The following EFNA3 variants were observed in gnomAD, a reference collection of about 807,000 sequenced individuals.
The protein encoded by EFNA3 is ephrin-A3.
A neutral mutation model predicts 25.0 loss-of-function variants in EFNA3; 15 were observed. The observed-to-expected ratio is 0.60, with a 90% CI of 0.40 to 0.92. The LOEUF (loss-of-function observed/expected upper bound fraction) is 0.92, where lower values mean the gene tolerates loss of function less well. Ranked by LOEUF, EFNA3 falls within the 40% of genes least tolerant of loss-of-function variation. EFNA3 has a pLI of 0.00. For missense variants in EFNA3, 298 were observed against 323.8 expected (o/e 0.92, Z 0.61); for synonymous variants, 153 against 145.6 (o/e 1.05, Z -0.37).
Position 155,085,424 on chromosome 1 carries a change from C to T in EFNA3, c.442+20C>T, listed in dbSNP as rs765277623. ...ACATCTGTGAGTGACGGCGGCCGGG[C>T]GGGCGGGTCTGAACGCGAGAGTCTG... is the stretch of plus-strand genomic sequence containing the variant. On this transcript the variant is annotated intron_variant, in intron 2 of 4. Coordinates refer to ENST00000368408, the MANE Select transcript of EFNA3 (RefSeq NM_004952.5). The surrounding 1 kb of genome is among the most constrained non-coding windows in gnomAD (Gnocchi z 4.4). 16 of 1,542,920 alleles carry T rather than the reference C, an allele frequency of 1.0e-5. No individual in the cohort carries two copies. The highest frequency in any genetic ancestry group is 5.7e-5 in the Admixed American group (3 of 52,908).
rs894802684 is a variant in EFNA3, at chr1:155,078,867, A to G, written c.-75A>G. The G allele has an allele frequency of 8.3e-5, 108 of 1,305,732 alleles. No individual in the cohort carries two copies. The highest frequency in any genetic ancestry group is 1.0e-4 in the Non-Finnish European group (106 of 1,027,936). The allele number at this position is 1,305,732 out of a possible 1,614,324, so 80.9% of individuals were successfully genotyped here. ...AAGGCTGGGGGCCGACGGCGGCGGC[A>G]GCAGGGAGCTGGGAAGCGGAGAAGC... On this transcript the variant is annotated 5_prime_UTR_variant, in exon 1 of 5. Coordinates refer to ENST00000368408, the MANE Select transcript of EFNA3 (RefSeq NM_004952.5).
chr1:155,085,020 C>CGGCGCG lies in EFNA3; in HGVS notation c.129-69_129-68insCGCGGG. 1.3e-6 allele frequency: 2 copies of CGGCGCG among 1,540,492 alleles called. No individual in the cohort carries two copies. Among genetic ancestry groups the CGGCGCG allele is most frequent in the Non-Finnish European group, 1.8e-6 (2 of 1,127,788 alleles). ...CTACGCGGACCCTGGGGAGGGGCTG[C>CGGCGCG]GGAGCGGTCAGATGGAAAGCGGCTT... On this transcript the variant is annotated intron_variant, in intron 1 of 4. Coordinates refer to ENST00000368408, the MANE Select transcript of EFNA3 (RefSeq NM_004952.5). The surrounding 1 kb of genome is among the most constrained non-coding windows in gnomAD (Gnocchi z 4.4).
At position 155,080,469 on chromosome 1, in the gene EFNA3, C is replaced by A. The variant is rs1663320732; in HGVS notation, c.128+1400C>A. On this transcript the variant is annotated intron_variant, in intron 1 of 4. Coordinates refer to ENST00000368408, the MANE Select transcript of EFNA3 (RefSeq NM_004952.5). The surrounding 1 kb of genome is among the most constrained non-coding windows in gnomAD (Gnocchi z 7.0). ...CCCCCGGAGCGGGACTCCAAGAACT[C>A]CGGGGGGCGCTGGGGGCTGACTTTC... Among the ~76,000 whole-genome samples, 1 of 152,080 alleles carries A rather than the reference C, an allele frequency of 6.6e-6. No individual in the cohort carries two copies. Among genetic ancestry groups the A allele is most frequent in the Non-Finnish European group, 1.5e-5 (1 of 67,982 alleles).
At position 155,086,482 on chromosome 1, in the gene EFNA3, G is replaced by A. The variant is rs1663464732; in HGVS notation, c.656G>A (p.Arg219Gln). 3 of 1,613,964 alleles carry A rather than the reference G, an allele frequency of 1.9e-6. No individual in the cohort carries two copies. Among genetic ancestry groups the A allele is most frequent in the African/African-American group, 1.3e-5 (1 of 74,912 alleles). ...EKSISGTSPK[R>Q]EHLPLAVGIA... ...AGCATCAGCGGGACCAGCCCCAAAC[G>A]GGAACACCTGCCCCTGGCCGTGGGC... is the stretch of plus-strand genomic sequence containing the variant. Residue 219 changes from arginine (R) to glutamine (Q), a missense_variant, in exon 5 of 5, where the codon CGG becomes CAG. Physicochemically the swap from Arg to Gln is conservative, Grantham distance 43. Coordinates refer to ENST00000368408, the MANE Select transcript of EFNA3 (RefSeq NM_004952.5).
In EFNA3 at chr1:155,085,423, G is replaced by C. The variant is rs761670552; in HGVS notation, c.442+19G>C. ...TACATCTGTGAGTGACGGCGGCCGG[G>C]CGGGCGGGTCTGAACGCGAGAGTCT... is the stretch of plus-strand genomic sequence containing the variant. On this transcript the variant is annotated intron_variant, in intron 2 of 4. Transcript: ENST00000368408. The surrounding 1 kb of genome is among the most constrained non-coding windows in gnomAD (Gnocchi z 4.4). 16 of 1,546,392 alleles carry C rather than the reference G, an allele frequency of 1.0e-5. No individual in the cohort carries two copies. The highest frequency in any genetic ancestry group is 5.6e-5 in the Admixed American group (3 of 53,444).
chr1:155,086,631 G>A lies in EFNA3; in HGVS notation c.*88G>A, dbSNP rs1663470942. The stretch of plus-strand genomic sequence containing the variant: ...GGCCTCTCCAAGGGAAGCCTAGTGG[G>A]CCTAGACCCCTCCTCCCATGGCTAG... On this transcript the variant is annotated 3_prime_UTR_variant, in exon 5 of 5. Coordinates refer to ENST00000368408, the MANE Select transcript of EFNA3 (RefSeq NM_004952.5). The A allele has an allele frequency of 3.3e-6, 5 of 1,516,444 alleles. No homozygotes were observed. Among genetic ancestry groups the A allele is most frequent in the Non-Finnish European group, 4.4e-6 (5 of 1,125,194 alleles). The allele number at this position is 1,516,444 out of a possible 1,614,324, so 93.9% of individuals were successfully genotyped here.
chr1:155,085,037 A>T lies in EFNA3; in HGVS notation c.129-54A>T, dbSNP rs1481091899. 2.7e-5 allele frequency: 43 copies of T among 1,584,906 alleles called. No individual in the cohort carries two copies. The highest frequency in any genetic ancestry group is 3.6e-5 in the Non-Finnish European group (42 of 1,164,436). ...AGGGGCTGCGGAGCGGTCAGATGGAAAGCGGCTTTGCTCTGGGGTTTCTTC... is the reference window on the plus strand; with the variant it reads ...AGGGGCTGCGGAGCGGTCAGATGGATAGCGGCTTTGCTCTGGGGTTTCTTC... On this transcript the variant is annotated intron_variant, in intron 1 of 4. Coordinates refer to ENST00000368408, the MANE Select transcript of EFNA3 (RefSeq NM_004952.5). This position sits in a 1 kb window ranked among gnomAD's most constrained non-coding sequence, Gnocchi z 4.4.
Position 155,086,259 on chromosome 1 carries a change from C to T in EFNA3, c.586+54C>T, listed in dbSNP as rs1663459321. ...CACTGCTGGAACCGCAGCCCCCCGC[C>T]CCGGTGCCTGCTCACCTCGCATGCC... On this transcript the variant is annotated intron_variant, in intron 4 of 4. Transcript: ENST00000368408. 13 of 1,598,556 alleles carry T rather than the reference C, an allele frequency of 8.1e-6. No homozygotes were observed. In the South Asian group the frequency reaches 1.4e-4, roughly 18 times the overall value.
At position 155,085,994 on chromosome 1, in the gene EFNA3, G is replaced by A. The variant is rs749228109; in HGVS notation, c.508+52G>A. The stretch of plus-strand genomic sequence containing the variant: ...CCCCCATCCTCAGCTCCCTGCTTTG[G>A]GGCTCCCCTGGCTTCCTGGGGGTGG... On this transcript the variant is annotated intron_variant, in intron 3 of 4. Coordinates refer to ENST00000368408, the MANE Select transcript of EFNA3 (RefSeq NM_004952.5). This position sits in a 1 kb window ranked among gnomAD's most constrained non-coding sequence, Gnocchi z 4.4. 4 of 1,581,452 alleles carry A rather than the reference G, an allele frequency of 2.5e-6. No homozygotes were observed. Among genetic ancestry groups the A allele is most frequent in the South Asian group, 2.3e-5 (2 of 87,168 alleles).
chr1:155,086,460 A>G lies in EFNA3; in HGVS notation c.634A>G (p.Ile212Val), dbSNP rs778784654. 1.9e-6 allele frequency: 3 copies of G among 1,614,074 alleles called. No individual in the cohort carries two copies. The highest frequency in any genetic ancestry group is 2.2e-5 in the South Asian group (2 of 91,088). Residue 212 changes from isoleucine to valine, a missense_variant, in exon 5 of 5, where the codon ATC becomes GTC. Ile to Val is a conservative substitution (Grantham distance 29). Transcript: ENST00000368408. ...NPQVPKLEKS[I>V]SGTSPKREHL... ...TCAGGTGCCCAAGCTTGAGAAGAGC[A>G]TCAGCGGGACCAGCCCCAAACGGGA...
Position 155,084,859 on chromosome 1 carries a change from C to G in EFNA3, c.129-232C>G, listed in dbSNP as rs72702272. On this transcript the variant is annotated intron_variant, in intron 1 of 4. Coordinates refer to ENST00000368408, the MANE Select transcript of EFNA3 (RefSeq NM_004952.5). ...GCCGGGCTTCCCTGCGCCTTTGCTA[C>G]CCTCTGGTGGCCAACAGGAGAAGGA... Among the ~76,000 whole-genome samples the G allele has an allele frequency of 8.0e-3, 1,215 of 152,326 alleles. 9 individuals carry two copies. The highest frequency in any genetic ancestry group is 0.011 in the Non-Finnish European group (724 of 68,012).
chr1:155,083,852 T>A (rs1663389163), intron 1 of EFNA3, among the ~76,000 whole-genome samples: 1 of 152,194 alleles, frequency 6.6e-6, no homozygotes, highest in Admixed American at 6.5e-5. Context: ...CCCATGCCTT[T>A]CTGTGTCCAC....
In EFNA3 at chr1:155,086,577, G is replaced by A. The variant is rs1663469811; in HGVS notation, c.*34G>A. The A allele has an allele frequency of 2.5e-6, 4 of 1,610,326 alleles. No individual in the cohort carries two copies. In the East Asian group the frequency reaches 8.9e-5, roughly 36 times the overall value. On this transcript the variant is annotated 3_prime_UTR_variant, in exon 5 of 5. Transcript: ENST00000368408. Reference sequence around the variant, plus strand: ...CCTCCCCTGGGGGGGGAGAGATGGGGCGGGGCTTGGAAGGAGCAGGGAGCC... The same window carrying A: ...CCTCCCCTGGGGGGGGAGAGATGGGACGGGGCTTGGAAGGAGCAGGGAGCC...
rs1202375412 is a variant in EFNA3, at chr1:155,079,164, C to T, written c.128+95C>T. On this transcript the variant is annotated intron_variant, in intron 1 of 4. Coordinates refer to ENST00000368408, the MANE Select transcript of EFNA3 (RefSeq NM_004952.5). The surrounding 1 kb of genome is among the most constrained non-coding windows in gnomAD (Gnocchi z 7.7). Reference sequence around the variant, plus strand: ...TCCTGGGGGATCCCGGGGTGGGAGTCCTGGGAGACCAGAGCTGGGGGCTGG... The same window carrying T: ...TCCTGGGGGATCCCGGGGTGGGAGTTCTGGGAGACCAGAGCTGGGGGCTGG... 1.6e-6 allele frequency: 2 copies of T among 1,231,428 alleles called. No individual in the cohort carries two copies. The highest frequency in any genetic ancestry group is 3.2e-5 in the African/African-American group (2 of 63,158). 76.3% of individuals were successfully genotyped at this position (1,231,428 alleles called of 1,614,324 possible). A position where few individuals can be genotyped will look rare whatever the true frequency, so the allele number is the denominator to read the frequency against.
Position 155,086,637 on chromosome 1 carries a change from A to C in EFNA3, c.*94A>C. The C allele has an allele frequency of 1.3e-6, 2 of 1,488,966 alleles. No individual in the cohort carries two copies. Among genetic ancestry groups the C allele is most frequent in the Non-Finnish European group, 1.8e-6 (2 of 1,105,700 alleles). The allele number at this position is 1,488,966 out of a possible 1,614,324, so 92.2% of individuals were successfully genotyped here. On this transcript the variant is annotated 3_prime_UTR_variant, in exon 5 of 5. Transcript: ENST00000368408. Reference sequence around the variant, plus strand: ...TCCAAGGGAAGCCTAGTGGGCCTAGACCCCTCCTCCCATGGCTAGAAGTGG... The same window carrying C: ...TCCAAGGGAAGCCTAGTGGGCCTAGCCCCCTCCTCCCATGGCTAGAAGTGG...
chr1:155,085,047 G>T lies in EFNA3; in HGVS notation c.129-44G>T. 6.2e-7 allele frequency: 1 copy of T among 1,604,072 alleles called. No individual in the cohort carries two copies. ...GAGCGGTCAGATGGAAAGCGGCTTT[G>T]CTCTGGGGTTTCTTCTCTCTGAGCC... is the stretch of plus-strand genomic sequence containing the variant. On this transcript the variant is annotated intron_variant, in intron 1 of 4. Coordinates refer to ENST00000368408, the MANE Select transcript of EFNA3 (RefSeq NM_004952.5). The surrounding 1 kb of genome is among the most constrained non-coding windows in gnomAD (Gnocchi z 4.4).
intron 4 of EFNA3, 84 bp downstream of exon 4, chr1:155,086,289 C>G (rs1047108576): frequency 6.3e-7 from 1 of 1,594,828 alleles, no homozygotes; most frequent in Admixed American, 1.7e-5. Context: ...CATGCCTTCC[C>G]TGGGGGCACT....
chr1:155,086,216 G>T lies in EFNA3; in HGVS notation c.586+11G>T, dbSNP rs367560890. ...AGATCAACGTGCTGGGTGAGTCTGC[G>T]CAGCGCCCTCTGGTGGCCACTGCTG... On this transcript the variant is annotated intron_variant, in intron 4 of 4. Transcript: ENST00000368408. 1 of 1,613,450 alleles carries T rather than the reference G, an allele frequency of 6.2e-7. No homozygotes were observed. The highest frequency in any genetic ancestry group is 1.3e-5 in the African/African-American group (1 of 74,872).
chr1:155,083,899 C>T (rs1171724765), intron 1 of EFNA3, among the ~76,000 whole-genome samples: 1 of 152,170 alleles, frequency 6.6e-6, no homozygotes, highest in African/African-American at 2.4e-5. Context: ...TGCATTCTTA[C>T]GCTAAAGAAA....
Sources: gnomAD v4.1 joint callset for allele counts (sites outside exome capture counted in the v4.1 genomes callset) on GRCh38, gnomAD v4.1.1 for gene constraint, Gnocchi (gnomAD v3.1) non-coding constraint, MANE v1.5 for transcripts, NCBI Gene and HGNC (gene_info 2026-07-23, HGNC 2026-07-21) for gene names.